Variants in LCA5 observed in about 807,000 individuals in gnomAD.
LCA5 encodes the protein lebercilin LCA5, also known as lebercilin.
LCA5 carries 37 observed loss-of-function variants against 53.0 expected under a neutral mutation model. That is an observed-to-expected ratio of 0.70 (90% CI 0.54 to 0.92). The LOEUF is 0.92. LCA5 is among the 40% of genes least tolerant of loss of function. The pLI is 0.00. For missense variants in LCA5, 806 were observed against 790.5 expected (o/e 1.02, Z -0.23); for synonymous variants, 303 against 282.9 (o/e 1.07, Z -0.71).
chr6:79,527,730 C>T (rs940662547), intron 1 of LCA5, among the ~76,000 whole-genome samples: 1 of 152,180 alleles, frequency 6.6e-6, no homozygotes, highest in African/African-American at 2.4e-5. Context: ...ATCCTATACT[C>T]ATCACCATTA....
In LCA5 at chr6:79,491,115, T is replaced by G. The variant is rs576666993; in HGVS notation, c.1098+473A>C. On this transcript the variant is annotated intron_variant, in intron 6 of 7. Transcript: ENST00000369846. ...TTTGAAAACTACTATTACTTGCTAC[T>G]AAAGATAAAAGTACTGAGGGTTTTC... 7.2e-5 allele frequency among the ~76,000 whole-genome samples: 11 copies of G among 152,038 alleles called. No homozygotes were observed. In the East Asian group the frequency reaches 1.9e-3, roughly 27 times the overall value.
chr6:79,504,444 T>C (rs898878536), intron 3 of LCA5, among the ~76,000 whole-genome samples: 1 of 152,086 alleles, frequency 6.6e-6, no homozygotes, highest in Admixed American at 6.6e-5. Context: ...CAGGTAACAT[T>C]TATGGACAGA....
intron 3 of LCA5, among the ~76,000 whole-genome samples, chr6:79,503,226 T>A (rs1770190814): frequency 6.6e-6 from 1 of 152,146 alleles, no homozygotes; most frequent in Non-Finnish European, 1.5e-5. Flanking sequence ...GCAAATAACA[T>A]CTCTCAGTTT....
chr6:79,519,125 C>T, intron 1 of LCA5, 40 bp from the exon 2 acceptor site: 1 of 570,344 alleles, frequency 1.8e-6, no homozygotes, highest in African/African-American at 1.9e-5. Context: ...ATCATACAGT[C>T]TCTACAGTTT....
intron 2 of LCA5, among the ~76,000 whole-genome samples, chr6:79,516,980 C>CAA (rs148448713): frequency 4.6e-5 from 7 of 150,810 alleles, no homozygotes; most frequent in African/African-American, 1.7e-4. Context: ...GAATTTTATG[C>CAA]AAAAAAAAGT....
chr6:79,513,317 T>G lies in LCA5; in HGVS notation c.615A>C (p.Lys205Asn). Residue 205 changes from lysine to asparagine, a missense_variant, in exon 3 of 8, where the codon AAA (lysine) becomes AAC (asparagine). Transcript: ENST00000369846. ...GTCTAGCTTCAGAGATCTCTTTCAG[T>G]TTCTGTAAGGAAAATTTTGTCCTAA... ...ELFRTKFSLQKLKEISEARHL... is the reference protein window; with the variant it reads ...ELFRTKFSLQNLKEISEARHL... The G allele has an allele frequency of 6.2e-7, 1 of 1,613,854 alleles. No homozygotes were observed. Among genetic ancestry groups the G allele is most frequent in the Non-Finnish European group, 8.5e-7 (1 of 1,179,832 alleles).
chr6:79,507,557 T>C (rs1424107379), intron 3 of LCA5, among the ~76,000 whole-genome samples: 2 of 152,100 alleles, frequency 1.3e-5, no homozygotes, highest in African/African-American at 4.8e-5. Flanking sequence ...TATGTATATG[T>C]ATGGTAGATG....
Position 79,531,882 on chromosome 6 carries a change from A to G in LCA5, c.-192+5283T>C, listed in dbSNP as rs541278690. 1.1e-3 allele frequency among the ~76,000 whole-genome samples: 164 copies of G among 151,874 alleles called. 1 individual carries two copies. The highest frequency in any genetic ancestry group is 1.7e-3 in the Non-Finnish European group (118 of 67,940). ...TAAATGTTGGAATACACAGGGCAGCACATGTTATCTACACTCTCTCCTTAG... is the reference window on the plus strand; with the variant it reads ...TAAATGTTGGAATACACAGGGCAGCGCATGTTATCTACACTCTCTCCTTAG... On this transcript the variant is annotated intron_variant, in intron 1 of 7. Transcript: ENST00000369846.
rs1199814924 is a variant in LCA5, at chr6:79,487,786, T to A, written c.1312A>T (p.Thr438Ser). The change falls in exon 8 of 8, where the codon ACT (threonine) becomes TCT (serine). Residue 438 changes from threonine (T) to serine (S), a missense_variant. Thr to Ser is a moderately conservative substitution (Grantham distance 58). Coordinates refer to ENST00000369846, the MANE Select transcript of LCA5 (RefSeq NM_001122769.3). ...TACATTCCTAGTTGGTACCTTCCAG[T>A]TTCCCACTCTGGCTTTTCTTCTCTT... ...LEREEKPEWE[T>S]GRYQLGMYPI... is the part of the protein sequence containing the mutation. The A allele has an allele frequency of 6.2e-7, 1 of 1,612,294 alleles. No individual in the cohort carries two copies. The highest frequency in any genetic ancestry group is 2.2e-5 in the East Asian group (1 of 44,860).
intron 3 of LCA5, among the ~76,000 whole-genome samples, chr6:79,500,401 T>C (rs1231301359): frequency 6.6e-6 from 1 of 152,226 alleles, no homozygotes; most frequent in African/African-American, 2.4e-5. Flanking sequence ...TATTTTACCT[T>C]CATTTATTTT....
At chr6:79,510,066 TATAAC>T (rs1252790275) in intron 3 of LCA5, among the ~76,000 whole-genome samples, 5 of 152,174 alleles carry the variant, frequency 3.3e-5, no homozygotes, top group African/African-American at 1.2e-4. Flanking sequence ...TAAAATGAGA[TATAAC>T]ATGAGAGGAA....
intron 3 of LCA5, among the ~76,000 whole-genome samples, chr6:79,497,362 A>G (rs1770007584): frequency 6.6e-6 from 1 of 152,214 alleles, no homozygotes; most frequent in South Asian, 2.1e-4. Flanking sequence ...AATTAACATT[A>G]CTAATGAAGG....
At chr6:79,531,220 T>C (rs1204828475) in intron 1 of LCA5, among the ~76,000 whole-genome samples, 1 of 152,164 alleles carries the variant, frequency 6.6e-6, no homozygotes, top group Non-Finnish European at 1.5e-5. Context: ...CCTGTATCTA[T>C]CCCATCCTCT....
At chr6:79,514,012 A>C (rs1400593636) in intron 2 of LCA5, among the ~76,000 whole-genome samples, 1 of 152,160 alleles carries the variant, frequency 6.6e-6, no homozygotes, top group Admixed American at 6.6e-5. Flanking sequence ...ATCAGGCTTT[A>C]ACCATTTTTA....
chr6:79,515,009 C>G (rs1051477605), intron 2 of LCA5, among the ~76,000 whole-genome samples: 1 of 151,852 alleles, frequency 6.6e-6, no homozygotes. Context: ...CACATGTGTC[C>G]TTGAACTTAA....
At chr6:79,523,999 C>T (rs1766708090) in intron 1 of LCA5, among the ~76,000 whole-genome samples, 2 of 152,138 alleles carry the variant, frequency 1.3e-5, no homozygotes, top group South Asian at 4.1e-4. Flanking sequence ...CAACATGCAA[C>T]CACATGTTGG....
chr6:79,487,374 C>T lies in LCA5; in HGVS notation c.1724G>A (p.Ser575Asn). The change falls in exon 8 of 8, where the codon AGT (serine) becomes AAT (asparagine). Residue 575 changes from serine (S) to asparagine (N), a missense_variant. Physicochemically the swap from Ser to Asn is conservative, Grantham distance 46. Coordinates refer to ENST00000369846, the MANE Select transcript of LCA5 (RefSeq NM_001122769.3). ...ERSNPFSQKS[S>N]FLDFQRNSME... is the part of the protein sequence containing the mutation. Reference sequence around the variant, plus strand: ...ACTGTTTCTTTGGAAATCCAAAAAACTACTTTTTTGACTAAATGGATTTGA... The same window carrying T: ...ACTGTTTCTTTGGAAATCCAAAAAATTACTTTTTTGACTAAATGGATTTGA... 1 of 1,612,858 alleles carries T rather than the reference C, an allele frequency of 6.2e-7. No individual in the cohort carries two copies. The highest frequency in any genetic ancestry group is 8.5e-7 in the Non-Finnish European group (1 of 1,179,614).
Position 79,493,472 on chromosome 6 carries a change from C to A in LCA5, c.858+141G>T. The A allele has an allele frequency of 3.7e-6, 3 of 803,512 alleles. No individual in the cohort carries two copies. In the East Asian group the frequency reaches 8.2e-5, roughly 22 times the overall value. 49.8% of individuals were successfully genotyped at this position (803,512 alleles called of 1,614,324 possible). ...TAGTAATTATACCAACAAACCTTTT[C>A]TAAGTGCTAAAGATAATATCAGAAT... On this transcript the variant is annotated intron_variant, in intron 4 of 7. Coordinates refer to ENST00000369846, the MANE Select transcript of LCA5 (RefSeq NM_001122769.3).
intron 3 of LCA5, among the ~76,000 whole-genome samples, chr6:79,496,893 ATACT>A (rs1194589446): frequency 6.6e-6 from 1 of 152,162 alleles, no homozygotes; most frequent in Non-Finnish European, 1.5e-5. Flanking sequence ...ATTTCACTAG[ATACT>A]TACAATAACA....
Sources: gnomAD v4.1 joint callset for allele counts (sites outside exome capture counted in the v4.1 genomes callset) on GRCh38, gnomAD v4.1.1 for gene constraint, MANE v1.5 for transcripts, NCBI Gene and HGNC (gene_info 2026-07-23, HGNC 2026-07-21) for gene names.